CALML4: variants seen among roughly 807,000 people sequenced by gnomAD.
CALML4 encodes calmodulin like 4.
A neutral mutation model predicts 17.9 loss-of-function variants in CALML4; 16 were observed. The observed-to-expected ratio is 0.89, with a 90% CI of 0.61 to 1.36. The LOEUF (loss-of-function observed/expected upper bound fraction) is 1.36, where lower values mean the gene tolerates loss of function less well. Among genes scored for constraint, CALML4 ranks in the 40% most tolerant of loss-of-function variants. The probability of loss-of-function intolerance (pLI) is 0.00; values close to 1 mark genes in which losing one functional copy is unlikely to be tolerated. For missense variants in CALML4, 203 were observed against 194.8 expected, an observed-to-expected ratio of 1.04 and a Z score of -0.25; for synonymous variants, 86 against 71.5, an observed-to-expected ratio of 1.20 and a Z score of -1.02.
In CALML4 at chr15:68,197,435, G is replaced by C; in HGVS notation, c.364+5C>G. The C allele has an allele frequency of 6.2e-7, 1 of 1,613,008 alleles. No homozygotes were observed. Among genetic ancestry groups the C allele is most frequent in the Non-Finnish European group, 8.5e-7 (1 of 1,179,470 alleles). On this transcript the variant is annotated splice_donor_5th_base_variant and intron_variant, in intron 4 of 4. Coordinates refer to ENST00000467889, the MANE Select transcript of CALML4 (RefSeq NM_033429.3). The surrounding 1 kb of genome is among the most constrained non-coding windows in gnomAD (Gnocchi z 4.1). Reference sequence around the variant, plus strand: ...ACTGTTGGGAGACAGGACCCAGGCTGTTACCTTCCTTGTGGGTGAGCTTCT... The same window carrying C: ...ACTGTTGGGAGACAGGACCCAGGCTCTTACCTTCCTTGTGGGTGAGCTTCT...
intron 4 of CALML4, among the ~76,000 whole-genome samples, chr15:68,195,714 C>T (rs1567089034): frequency 1.3e-5 from 2 of 152,206 alleles, no homozygotes; most frequent in South Asian, 2.1e-4. Flanking sequence ...AGGATTCCTG[C>T]TGCTGGTATC....
In CALML4 at chr15:68,199,637, T is replaced by C; in HGVS notation, c.79A>G (p.Lys27Glu). Reference protein sequence around the residue: ...FSLYDKQQRGKIKATDLMVAM... With the variant: ...FSLYDKQQRGEIKATDLMVAM... ...ACCATGAGGTCGGTGGCTTTTATCT[T>C]CCCCCTCTGCTGCTTGTCATACAGG... Residue 27 changes from lysine to glutamate, a missense_variant, in exon 3 of 5, where the codon AAG becomes GAG. Lys to Glu is a moderately conservative substitution (Grantham distance 56). Coordinates refer to ENST00000467889, the MANE Select transcript of CALML4 (RefSeq NM_033429.3). The C allele has an allele frequency of 6.2e-7, 1 of 1,613,092 alleles. No individual in the cohort carries two copies. The highest frequency in any genetic ancestry group is 8.5e-7 in the Non-Finnish European group (1 of 1,179,816).
Position 68,197,566 on chromosome 15 carries a change from CTTG to C in CALML4, c.235_237del (p.Gln79del), listed in dbSNP as rs1567089849. The C allele has an allele frequency of 1.9e-6, 3 of 1,614,114 alleles. No homozygotes were observed. The highest frequency in any genetic ancestry group is 3.3e-5 in the Admixed American group (2 of 60,020). ...AGAAGAATTTCTTTCTTTGGGTCTT[CTTG>C]TTTTATTTGCATGTGCATAATGGTC... On this transcript the variant is annotated inframe_deletion, in exon 4 of 5. Transcript: ENST00000467889. This position sits in a 1 kb window ranked among gnomAD's most constrained non-coding sequence, Gnocchi z 4.1.
chr15:68,193,918 G>GTGTT lies in CALML4; in HGVS notation c.*93_*96dup, dbSNP rs745733974. ...AGTTGGGTAATGTTGTCTTGCCACT[G>GTGTT]TGTTTGCCATCTCTCCCAAGTGAAA... is the stretch of plus-strand genomic sequence containing the variant. On this transcript the variant is annotated 3_prime_UTR_variant, in exon 5 of 5. Coordinates refer to ENST00000467889, the MANE Select transcript of CALML4 (RefSeq NM_033429.3). The GTGTT allele has an allele frequency of 1.4e-4, 110 of 780,314 alleles. No individual in the cohort carries two copies. The highest frequency in any genetic ancestry group is 2.3e-4 in the Non-Finnish European group (105 of 462,642). 48.3% of individuals were successfully genotyped at this position (780,314 alleles called of 1,614,324 possible).
rs2093116181 is a variant in CALML4, at chr15:68,190,828, C to T, written c.*3187G>A. ...TATTTTGAGCATTAAAATTGCTTTA[C>T]TAATTATTTAGACATGATCACAATT... is the stretch of plus-strand genomic sequence containing the variant. On this transcript the variant is annotated 3_prime_UTR_variant, in exon 5 of 5. Transcript: ENST00000467889. The surrounding 1 kb of genome is among the most constrained non-coding windows in gnomAD (Gnocchi z 4.7). 1 of 151,946 alleles carries T rather than the reference C, an allele frequency of 6.6e-6. No homozygotes were observed. The highest frequency in any genetic ancestry group is 1.9e-4 in the East Asian group (1 of 5,186). 9.4% of individuals were successfully genotyped at this position (151,946 alleles called of 1,614,324 possible). A position where few individuals can be genotyped will look rare whatever the true frequency, so the allele number is the denominator to read the frequency against.
chr15:68,193,965 T>A lies in CALML4; in HGVS notation c.*50A>T. The A allele has an allele frequency of 1.4e-6, 2 of 1,382,962 alleles. No homozygotes were observed. Among genetic ancestry groups the A allele is most frequent in the African/African-American group, 1.4e-5 (1 of 69,370 alleles). 85.7% of individuals were successfully genotyped at this position (1,382,962 alleles called of 1,614,324 possible). On this transcript the variant is annotated 3_prime_UTR_variant, in exon 5 of 5. Coordinates refer to ENST00000467889, the MANE Select transcript of CALML4 (RefSeq NM_033429.3). ...GAAAAGAACACTTTTTAAAAAAAATTAATTGCTCCAAGTTTTCAGGCCCAG... is the reference window on the plus strand; with the variant it reads ...GAAAAGAACACTTTTTAAAAAAAATAAATTGCTCCAAGTTTTCAGGCCCAG...
intron 2 of CALML4, 111 bp from the exon 3 acceptor site, chr15:68,199,792 C>T: frequency 1.7e-6 from 2 of 1,176,140 alleles, no homozygotes; most frequent in Non-Finnish European, 2.4e-6. Context: ...TGCCTACTCC[C>T]TCCATCCCTC....
At chr15:68,205,633 T>TG (rs1337079774), upstream of CALML4, 5 of 503,036 alleles carry the variant, frequency 9.9e-6, no homozygotes, top group Non-Finnish European at 1.8e-5. The surrounding 1 kb of genome is among the most constrained non-coding windows in gnomAD (Gnocchi z 4.8). Context: ...CTACTAGAGT[T>TG]GGACACTTTA....
At chr15:68,205,429 T>C (rs2093180060), upstream of CALML4, 1 of 1,607,114 alleles carries the variant, frequency 6.2e-7, no homozygotes, top group Admixed American at 1.7e-5. This position sits in a 1 kb window ranked among gnomAD's most constrained non-coding sequence, Gnocchi z 4.8. Context: ...TGAGCACAGC[T>C]CATGACCCGC....
At position 68,204,854 on chromosome 15, in the gene CALML4, C is replaced by G; in HGVS notation, c.34+267G>C. Among the ~76,000 whole-genome samples the G allele has an allele frequency of 6.6e-6, 1 of 152,278 alleles. No homozygotes were observed. Among genetic ancestry groups the G allele is most frequent in the Admixed American group, 6.5e-5 (1 of 15,304 alleles). ...CCCTCAGTCCCCAAATCCAACTGGTCAGGTTCTGGAGGGAAACCTAGTAAG... is the reference window on the plus strand; with the variant it reads ...CCCTCAGTCCCCAAATCCAACTGGTGAGGTTCTGGAGGGAAACCTAGTAAG... On this transcript the variant is annotated intron_variant, in intron 2 of 4. Transcript: ENST00000467889. This position sits in a 1 kb window ranked among gnomAD's most constrained non-coding sequence, Gnocchi z 6.0.
In CALML4 at chr15:68,193,035, C is replaced by T. The variant is rs923601184; in HGVS notation, c.*980G>A. 1.3e-5 allele frequency: 2 copies of T among 152,294 alleles called. No individual in the cohort carries two copies. The highest frequency in any genetic ancestry group is 6.5e-5 in the Admixed American group (1 of 15,290). The allele number at this position is 152,294 out of a possible 1,614,324, so 9.4% of individuals were successfully genotyped here. A position where few individuals can be genotyped will look rare whatever the true frequency, so the allele number is the denominator to read the frequency against. On this transcript the variant is annotated 3_prime_UTR_variant, in exon 5 of 5. Coordinates refer to ENST00000467889, the MANE Select transcript of CALML4 (RefSeq NM_033429.3). ...GGATGGACTCCCAGAAAGCCTAGTG[C>T]TCCTACTACTGTTTTCCAGGGCTGT... is the stretch of plus-strand genomic sequence containing the variant.
intron 2 of CALML4, among the ~76,000 whole-genome samples, chr15:68,203,843 T>C (rs988800837): frequency 1.3e-5 from 2 of 152,206 alleles, no homozygotes; most frequent in Non-Finnish European, 2.9e-5. Flanking sequence ...ACACACTCAT[T>C]AAACACTGGT....
intron 4 of CALML4, among the ~76,000 whole-genome samples, chr15:68,195,266 G>T (rs2093139047): frequency 6.6e-6 from 1 of 152,048 alleles, no homozygotes; most frequent in African/African-American, 2.4e-5. Context: ...CACACCTCCG[G>T]TCGTCAGTTA....
chr15:68,192,958 G>C lies in CALML4; in HGVS notation c.*1057C>G, dbSNP rs2093127050. On this transcript the variant is annotated 3_prime_UTR_variant, in exon 5 of 5. Transcript: ENST00000467889. Reference sequence around the variant, plus strand: ...GTATGGCACCTCTGAATCTCTGGCAGCACCAACCTGGCACCTTCTAGCTGT... The same window carrying C: ...GTATGGCACCTCTGAATCTCTGGCACCACCAACCTGGCACCTTCTAGCTGT... The C allele has an allele frequency of 6.6e-6, 1 of 152,250 alleles. No homozygotes were observed. 9.4% of individuals were successfully genotyped at this position (152,250 alleles called of 1,614,324 possible).
At chr15:68,205,671 A>G (rs759781073), upstream of CALML4, 17 of 392,848 alleles carry the variant, frequency 4.3e-5, no homozygotes, top group Non-Finnish European at 1.9e-5. The surrounding 1 kb of genome is among the most constrained non-coding windows in gnomAD (Gnocchi z 4.8). Flanking sequence ...AAGGCTCCTC[A>G]CACACCATCT....
chr15:68,196,603 C>T (rs1424061245), intron 4 of CALML4, among the ~76,000 whole-genome samples: 1 of 152,120 alleles, frequency 6.6e-6, no homozygotes, highest in Non-Finnish European at 1.5e-5. Flanking sequence ...TGGCCTCGGG[C>T]AGAGGCAGAG....
Position 68,193,751 on chromosome 15 carries a change from A to C in CALML4, c.*264T>G. 2.7e-6 allele frequency: 1 copy of C among 372,722 alleles called. No individual in the cohort carries two copies. Among genetic ancestry groups the C allele is most frequent in the African/African-American group, 2.1e-5 (1 of 48,740 alleles). 23.1% of individuals were successfully genotyped at this position (372,722 alleles called of 1,614,324 possible). A position where few individuals can be genotyped will look rare whatever the true frequency, so the allele number is the denominator to read the frequency against. On this transcript the variant is annotated 3_prime_UTR_variant, in exon 5 of 5. Coordinates refer to ENST00000467889, the MANE Select transcript of CALML4 (RefSeq NM_033429.3). The stretch of plus-strand genomic sequence containing the variant: ...GAGCCAGGACTGGAACCCAGGCCAG[A>C]CTCCAAACCGCAGGCTCCTTCCATG...
chr15:68,200,663 C>G lies in CALML4; in HGVS notation c.35-982G>C, dbSNP rs565340201. 2.0e-5 allele frequency among the ~76,000 whole-genome samples: 3 copies of G among 152,140 alleles called. No homozygotes were observed. The highest frequency in any genetic ancestry group is 7.2e-5 in the African/African-American group (3 of 41,502). Reference sequence around the variant, plus strand: ...AGGCACCCGGGCCTGTGGGTGGAGCCGTGGAAACACAGTGGCCTGGCGCTG... The same window carrying G: ...AGGCACCCGGGCCTGTGGGTGGAGCGGTGGAAACACAGTGGCCTGGCGCTG... On this transcript the variant is annotated intron_variant, in intron 2 of 4. Coordinates refer to ENST00000467889, the MANE Select transcript of CALML4 (RefSeq NM_033429.3). This position sits in a 1 kb window ranked among gnomAD's most constrained non-coding sequence, Gnocchi z 4.3.
Position 68,192,384 on chromosome 15 carries a change from A to G in CALML4, c.*1631T>C, listed in dbSNP as rs181302804. ...AGAAATTCTGCATTTCTGTTTTTGT[A>G]TTCTTAAGGCAGCCAAATCTCGTAA... is the stretch of plus-strand genomic sequence containing the variant. On this transcript the variant is annotated 3_prime_UTR_variant, in exon 5 of 5. Coordinates refer to ENST00000467889, the MANE Select transcript of CALML4 (RefSeq NM_033429.3). The G allele has an allele frequency of 8.5e-5, 13 of 152,232 alleles. No individual in the cohort carries two copies. In the East Asian group the frequency reaches 2.5e-3, roughly 29 times the overall value. The allele number at this position is 152,232 out of a possible 1,614,324, so 9.4% of individuals were successfully genotyped here.
Sources: gnomAD v4.1 joint callset for allele counts (sites outside exome capture counted in the v4.1 genomes callset) on GRCh38, gnomAD v4.1.1 for gene constraint, Gnocchi (gnomAD v3.1) non-coding constraint, MANE v1.5 for transcripts, NCBI Gene and HGNC (gene_info 2026-07-23, HGNC 2026-07-21) for gene names.